PIK3C2A: variants seen among roughly 807,000 people sequenced by gnomAD.
The protein encoded by PIK3C2A is phosphatidylinositol 4-phosphate 3-kinase C2 domain-containing subunit alpha.
In PIK3C2A, 97 loss-of-function variants were observed where a neutral mutation model predicts 204.5. The ratio of observed to expected loss-of-function variants is 0.47; its 90% CI spans 0.40 to 0.56. The LOEUF is 0.56. Among genes scored for constraint, PIK3C2A ranks in the 20% least tolerant of loss-of-function variants. The probability of loss-of-function intolerance (pLI) is 0.00; values close to 1 mark genes in which losing one functional copy is unlikely to be tolerated. For synonymous variants in PIK3C2A, 653 were observed against 664.4 expected (o/e 0.98, Z 0.26); for missense variants, 1,735 against 1,969.2 (o/e 0.88, Z 2.25).
intron 24 of PIK3C2A, 137 bp downstream of exon 24, chr11:17,102,525 T>C (rs1244602569): frequency 3.2e-6 from 2 of 618,138 alleles, no homozygotes; most frequent in East Asian, 2.7e-5. Context: ...CTATGTGGTA[T>C]GGTCATATCT....
At chr11:17,136,363 T>G in intron 9 of PIK3C2A, 119 bp downstream of exon 9, 1 of 766,412 alleles carries the variant, frequency 1.3e-6, no homozygotes, top group Non-Finnish European at 2.2e-6. Context: ...AGTAAGTGAT[T>G]CAACCCAAAA....
chr11:17,102,972 T>C (rs187923726), intron 23 of PIK3C2A, 141 bp from the exon 24 acceptor site: 6 of 559,274 alleles, frequency 1.1e-5, no homozygotes, highest in Admixed American at 7.0e-5. Context: ...TGGGATATAG[T>C]AATAAAAGCC....
At chr11:17,101,857 C>G (rs1237278550) in intron 24 of PIK3C2A, among the ~76,000 whole-genome samples, 2 of 151,946 alleles carry the variant, frequency 1.3e-5, no homozygotes, top group Non-Finnish European at 2.9e-5. Flanking sequence ...CCCGCCTTGG[C>G]CTCCCAAAGT....
intron 1 of PIK3C2A, among the ~76,000 whole-genome samples, chr11:17,184,460 T>C (rs1221968261): frequency 1.3e-5 from 2 of 151,318 alleles, no homozygotes; most frequent in Non-Finnish European, 2.9e-5. Flanking sequence ...GTTTACAAAG[T>C]AAAAAAAAAT....
Position 17,169,300 on chromosome 11 carries a change from C to G in PIK3C2A, c.442G>C (p.Gly148Arg), listed in dbSNP as rs770884480. 1.8e-5 allele frequency: 29 copies of G among 1,613,994 alleles called. No individual in the cohort carries two copies. In the Admixed American group the frequency reaches 2.7e-4, roughly 15 times the overall value. ...GAAGGTAAAGCATAAGTGGAAGGCCCAGGTAATCCAGGTGGCCACTGTCCT... is the reference window on the plus strand; with the variant it reads ...GAAGGTAAAGCATAAGTGGAAGGCCGAGGTAATCCAGGTGGCCACTGTCCT... Reference protein sequence around the residue: ...QRGQWPPGLPGPSTYALPSIY... With the variant: ...QRGQWPPGLPRPSTYALPSIY... The change falls in exon 2 of 33, where the codon GGG becomes CGG. Residue 148 changes from glycine (G) to arginine (R), a missense_variant. Physicochemically the swap from Gly to Arg is moderately radical, Grantham distance 125. This residue lies in a region of PIK3C2A where 536 missense variants were observed against 546.7 expected (regional missense o/e 0.98). Coordinates refer to ENST00000691414, the MANE Select transcript of PIK3C2A (RefSeq NM_002645.4).
intron 27 of PIK3C2A, among the ~76,000 whole-genome samples, chr11:17,096,176 C>A (rs1228971298): frequency 6.6e-6 from 1 of 151,830 alleles, no homozygotes; most frequent in Admixed American, 6.6e-5. Context: ...GTAGCTGGGA[C>A]TACAGACACA....
intron 11 of PIK3C2A, among the ~76,000 whole-genome samples, chr11:17,132,315 ATTTTTTTTTTTT>A (rs11307715): frequency 2.5e-5 from 2 of 78,812 alleles, no homozygotes; most frequent in Admixed American, 3.3e-4. Flanking sequence ...ATTAACTTTA[ATTTTTTTTTTTT>A]TTTTTTTTTT....
Position 17,115,451 on chromosome 11 carries a change from A to G in PIK3C2A, c.3217-986T>C, listed in dbSNP as rs576201685. 2.0e-5 allele frequency among the ~76,000 whole-genome samples: 3 copies of G among 151,162 alleles called. No homozygotes were observed. The South Asian group carries it at 6.3e-4, about 32-fold the overall frequency. On this transcript the variant is annotated intron_variant, in intron 19 of 32. Transcript: ENST00000691414. Reference sequence around the variant, plus strand: ...AGCTACTTGGGAGGCTGAAGCGAGAAGATCACTTGAGCCCAGGAGGCTGAG... The same window carrying G: ...AGCTACTTGGGAGGCTGAAGCGAGAGGATCACTTGAGCCCAGGAGGCTGAG...
intron 28 of PIK3C2A, among the ~76,000 whole-genome samples, chr11:17,093,234 TA>T (rs1197998966): frequency 6.6e-6 from 1 of 152,200 alleles, no homozygotes; most frequent in Non-Finnish European, 1.5e-5. Flanking sequence ...GATACAAAAC[TA>T]AGATTTTGAT....
In PIK3C2A at chr11:17,188,159, G is replaced by A. The variant is rs563209838; in HGVS notation, c.-65-18353C>T. On this transcript the variant is annotated intron_variant, in intron 1 of 32. Transcript: ENST00000691414. ...TCGAGACCAGCCTGGCCAACATGGC[G>A]AAACCCCATCTCTACTAAAAATACA... 3.3e-5 allele frequency among the ~76,000 whole-genome samples: 5 copies of A among 151,756 alleles called. No homozygotes were observed. The East Asian group carries it at 7.7e-4, about 24-fold the overall frequency.
chr11:17,181,695 A>ACACACACACAC (rs1851572468), intron 1 of PIK3C2A, among the ~76,000 whole-genome samples: 1 of 107,872 alleles, frequency 9.3e-6, no homozygotes, highest in African/African-American at 3.7e-5. Context: ...CACACACACA[A>ACACACACACAC]ACACACACAC....
chr11:17,131,989 G>T lies in PIK3C2A; in HGVS notation c.2158C>A (p.Leu720Ile). 1 of 1,572,204 alleles carries T rather than the reference G, an allele frequency of 6.4e-7. No homozygotes were observed. The highest frequency in any genetic ancestry group is 8.7e-7 in the Non-Finnish European group (1 of 1,147,168). Reference sequence around the variant, plus strand: ...TTCTTTGATTGAATAGGTTTAAAAAGATCCTTTCCATTGTGAGACAGTGAA... The same window carrying T: ...TTCTTTGATTGAATAGGTTTAAAAATATCCTTTCCATTGTGAGACAGTGAA... ...ICSLSHNGKD[L>I]FKPIQSKKVG... The change falls in exon 12 of 33, where the codon CTT becomes ATT. Residue 720 changes from leucine to isoleucine, a missense_variant. Around this residue, in one of 6 missense-constraint regions of PIK3C2A, gnomAD observed 567 missense variants for 576.0 expected, o/e 0.98. Transcript: ENST00000691414.
intron 24 of PIK3C2A, 68 bp downstream of exon 24, chr11:17,102,594 T>G: frequency 1.5e-6 from 2 of 1,341,968 alleles, no homozygotes; most frequent in South Asian, 2.8e-5. Context: ...AACACAAAGC[T>G]TGAGACAAAC....
intron 2 of PIK3C2A, among the ~76,000 whole-genome samples, chr11:17,162,223 G>A (rs967548938): frequency 6.6e-6 from 1 of 151,798 alleles, no homozygotes; most frequent in Admixed American, 6.6e-5. Flanking sequence ...TGTAATCCCA[G>A]CTACTCAGGA....
Position 17,102,704 on chromosome 11 carries a change from C to A in PIK3C2A, c.3809G>T (p.Gly1270Val). The A allele has an allele frequency of 6.2e-7, 1 of 1,613,624 alleles. No homozygotes were observed. Among genetic ancestry groups the A allele is most frequent in the East Asian group, 2.2e-5 (1 of 44,828 alleles). Reference protein sequence around the residue: ...STGHMFHIDFGKFLGHAQMFG... With the variant: ...STGHMFHIDFVKFLGHAQMFG... ...CATCTGTGCATGTCCCAAAAACTTT[C>A]CAAAGTCAATGTGAAACATGTGTCC... is the stretch of plus-strand genomic sequence containing the variant. Residue 1270 changes from glycine to valine, a missense_variant, in exon 24 of 33, where the codon GGA (glycine) becomes GTA (valine). Physicochemically the swap from Gly to Val is moderately radical, Grantham distance 109. This residue lies in a region of PIK3C2A where 503 missense variants were observed against 669.0 expected (regional missense o/e 0.75). Transcript: ENST00000691414.
intron 24 of PIK3C2A, among the ~76,000 whole-genome samples, chr11:17,101,804 C>A (rs10766378): frequency 1.3e-5 from 2 of 151,260 alleles, no homozygotes; most frequent in Non-Finnish European, 3.0e-5. Context: ...GGGGTTTCAC[C>A]GTGTTAGCCA....
intron 20 of PIK3C2A, among the ~76,000 whole-genome samples, chr11:17,113,674 T>G (rs1178666542): frequency 6.8e-6 from 1 of 146,218 alleles, no homozygotes; most frequent in African/African-American, 2.6e-5. Context: ...CCCGGCTACT[T>G]GGGAGGCTGA....
At chr11:17,198,701 A>G (rs1380974245) in intron 1 of PIK3C2A, among the ~76,000 whole-genome samples, 1 of 152,132 alleles carries the variant, frequency 6.6e-6, no homozygotes, top group East Asian at 1.9e-4. Context: ...CTGAGGCAGA[A>G]GGATCCTTTG....
chr11:17,205,133 C>T (rs1162428774), intron 1 of PIK3C2A, among the ~76,000 whole-genome samples: 3 of 151,192 alleles, frequency 2.0e-5, no homozygotes, highest in Non-Finnish European at 2.9e-5. Flanking sequence ...GCTGAGATCA[C>T]GCCACTGCAC....
Sources: allele counts gnomAD v4.1 joint callset (sites outside exome capture counted in the v4.1 genomes callset), GRCh38; gene constraint gnomAD v4.1.1; regional missense constraint gnomAD v4.1.1; transcripts MANE v1.5; gene names NCBI Gene and HGNC (gene_info 2026-07-23, HGNC 2026-07-21).